NFIB: variants seen among roughly 807,000 people sequenced by gnomAD.
NFIB encodes the protein nuclear factor I B, also known as nuclear factor 1 B-type.
Under a neutral mutation model 61.5 loss-of-function variants are expected in NFIB, and 11 were observed. The observed-to-expected ratio is 0.18, with a 90% CI of 0.11 to 0.30. The LOEUF (loss-of-function observed/expected upper bound fraction) is 0.30. NFIB is among the 10% of genes least tolerant of loss of function. The pLI, the probability that NFIB is intolerant of heterozygous loss-of-function variation, is 1.00. For synonymous variants in NFIB, 260 were observed against 216.5 expected (o/e 1.20, Z -1.76); for missense variants, 471 against 608.9 (o/e 0.77, Z 2.38).
the NFIB span, among the ~76,000 whole-genome samples, chr9:14,490,250 G>C: frequency 6.6e-6 from 1 of 151,980 alleles, no homozygotes; most frequent in African/African-American, 2.4e-5. Flanking sequence ...AGAGCAAGGA[G>C]GAACTTTTGT....
chr9:14,508,421 C>A, the NFIB span, among the ~76,000 whole-genome samples: 52 of 152,292 alleles, frequency 3.4e-4, no homozygotes, highest in Non-Finnish European at 2.6e-4. Context: ...CTACCTCATC[C>A]TTCTAGAAGT....
At chr9:14,205,607 G>A (rs2049600474) in intron 2 of NFIB, among the ~76,000 whole-genome samples, 1 of 152,048 alleles carries the variant, frequency 6.6e-6, no homozygotes. Flanking sequence ...CATTAGGCCT[G>A]GTGTACTCCT....
intron 2 of NFIB, among the ~76,000 whole-genome samples, chr9:14,282,773 C>T (rs1011950586): frequency 1.3e-5 from 2 of 152,190 alleles, no homozygotes; most frequent in African/African-American, 4.8e-5. Flanking sequence ...AATTAGGCCG[C>T]ACAGCCAGGT....
At chr9:14,339,311 C>T (rs891641709) in intron 1 of NFIB, among the ~76,000 whole-genome samples, 1 of 152,186 alleles carries the variant, frequency 6.6e-6, no homozygotes, top group East Asian at 1.9e-4. Context: ...TTCAGGACAA[C>T]ATCCCAGTAT....
At chr9:14,401,692 G>A (rs2133054804), upstream of NFIB, among the ~76,000 whole-genome samples, 1 of 152,310 alleles carries the variant, frequency 6.6e-6, no homozygotes, top group African/African-American at 2.4e-5. Context: ...TTGGAAATAA[G>A]CAGTGATGCT....
chr9:14,265,603 A>G (rs1048362243), intron 2 of NFIB, among the ~76,000 whole-genome samples: 4 of 152,196 alleles, frequency 2.6e-5, no homozygotes, highest in African/African-American at 9.6e-5. Context: ...AACACAGTCT[A>G]TAGTATTTTG....
At chr9:14,233,173 T>C (rs1340332370) in intron 2 of NFIB, among the ~76,000 whole-genome samples, 1 of 152,218 alleles carries the variant, frequency 6.6e-6, no homozygotes, top group African/African-American at 2.4e-5. Flanking sequence ...AGTTTAGCCA[T>C]AAAGATAGTA....
chr9:14,285,974 T>G (rs1399915503), intron 2 of NFIB, among the ~76,000 whole-genome samples: 1 of 152,184 alleles, frequency 6.6e-6, no homozygotes, highest in Non-Finnish European at 1.5e-5. Context: ...TTTTAGATAG[T>G]ACTCCTGATT....
chr9:14,095,372 A>C (rs923670553), intron 10 of NFIB, among the ~76,000 whole-genome samples: 5 of 152,170 alleles, frequency 3.3e-5, no homozygotes, highest in Non-Finnish European at 4.4e-5. Context: ...TAGCCAATTA[A>C]AAATTATACA....
intron 2 of NFIB, among the ~76,000 whole-genome samples, chr9:14,215,949 A>C (rs2050809170): frequency 6.6e-6 from 1 of 152,188 alleles, no homozygotes; most frequent in Non-Finnish European, 1.5e-5. Flanking sequence ...CTTTATGTAA[A>C]TTCTCAGCAC....
chr9:14,458,136 A>G, the NFIB span, among the ~76,000 whole-genome samples: 1,310 of 152,338 alleles, frequency 8.6e-3, 12 homozygotes, highest in Middle Eastern at 0.041. Context: ...CTGGCAAACC[A>G]AATCCAGCAG....
chr9:14,330,079 A>G (rs930452421), intron 1 of NFIB, among the ~76,000 whole-genome samples: 1 of 152,058 alleles, frequency 6.6e-6, no homozygotes, highest in East Asian at 2.0e-4. Context: ...GTGAGCCAAG[A>G]TCGCGCCACT....
the NFIB span, among the ~76,000 whole-genome samples, chr9:14,526,676 C>A: frequency 7.9e-5 from 12 of 152,122 alleles, no homozygotes; most frequent in African/African-American, 2.9e-4. Context: ...ATAACAATCT[C>A]GGGGAATTTT....
chr9:14,514,865 G>C, the NFIB span, among the ~76,000 whole-genome samples: 1 of 152,126 alleles, frequency 6.6e-6, no homozygotes, highest in African/African-American at 2.4e-5. Context: ...GGATTTGAAA[G>C]ACTTGGGCAT....
intron 1 of NFIB, among the ~76,000 whole-genome samples, chr9:14,385,946 C>T (rs1480838307): frequency 6.6e-6 from 1 of 152,006 alleles, no homozygotes. Flanking sequence ...CGGCACCCAG[C>T]TAATTTTTGT....
chr9:14,267,753 C>A (rs2057314457), intron 2 of NFIB, among the ~76,000 whole-genome samples: 2 of 152,176 alleles, frequency 1.3e-5, no homozygotes. Flanking sequence ...GTATCCAAAG[C>A]CATTAGGAAC....
intron 3 of NFIB, among the ~76,000 whole-genome samples, chr9:14,159,175 G>A (rs1286770229): frequency 1.3e-5 from 2 of 152,150 alleles, no homozygotes; most frequent in African/African-American, 4.8e-5. Flanking sequence ...GTCAAACACA[G>A]ACAATACAAT....
chr9:14,465,115 G>A, the NFIB span, among the ~76,000 whole-genome samples: 3 of 152,170 alleles, frequency 2.0e-5, no homozygotes, highest in Non-Finnish European at 4.4e-5. Flanking sequence ...CTTCACTGTA[G>A]AGACCTTTGT....
chr9:14,300,192 G>T (rs2059674189), intron 2 of NFIB: 4 of 398,368 alleles, frequency 1.0e-5, no homozygotes, highest in Non-Finnish European at 1.8e-5. Flanking sequence ...ATACCACGTT[G>T]CCACAGAAAA....
Sources: allele counts gnomAD v4.1 joint callset (sites outside exome capture counted in the v4.1 genomes callset), GRCh38; gene constraint gnomAD v4.1.1; transcripts MANE v1.5; gene names NCBI Gene and HGNC (gene_info 2026-07-23, HGNC 2026-07-21).